SYTL5: variants seen among roughly 807,000 people sequenced by gnomAD.
The protein encoded by SYTL5 is synaptotagmin like 5, also known as synaptotagmin-like protein 5.
Under a neutral mutation model 55.9 loss-of-function variants are expected in SYTL5, and 34 were observed. The ratio of observed to expected loss-of-function variants is 0.61; its 90% CI spans 0.46 to 0.81. The LOEUF is 0.81. Among genes scored for constraint, SYTL5 ranks in the 30% least tolerant of loss-of-function variants. The pLI is 0.00. For missense variants in SYTL5, 637 were observed against 546.7 expected (o/e 1.17, Z -1.65); for synonymous variants, 221 against 188.7 (o/e 1.17, Z -1.40).
the SYTL5 span, among the ~76,000 whole-genome samples, chrX:37,967,107 A>T: frequency 1.8e-5 from 2 of 111,631 alleles, no homozygotes; most frequent in African/African-American, 6.5e-5. Context: ...GCTGGAGTGC[A>T]GTGGTGCGAA....
At chrX:37,936,304 G>C in the SYTL5 span, among the ~76,000 whole-genome samples, 1 of 111,951 alleles carries the variant, frequency 8.9e-6, no homozygotes, top group African/African-American at 3.2e-5. Context: ...ACATGCACTA[G>C]AAAAATTACA....
chrX:37,916,874 C>T, the SYTL5 span, among the ~76,000 whole-genome samples: 11 of 111,377 alleles, frequency 9.9e-5, no homozygotes, highest in African/African-American at 2.3e-4. Context: ...TTCAGATTTT[C>T]GGAATTTTTA....
chrX:38,075,005 A>G lies in SYTL5; in HGVS notation c.554+1307A>G, dbSNP rs754307956. ...TCTTTGCTTCTGTGTTGCAGTATCT[A>G]GCATGGCACCTGACTCATCAAAAAC... On this transcript the variant is annotated intron_variant, in intron 5 of 16. Transcript: ENST00000297875. 7.1e-4 allele frequency among the ~76,000 whole-genome samples: 79 copies of G among 111,021 alleles called. No individual in the cohort carries two copies. The Admixed American group carries it at 7.1e-3, about 10-fold the overall frequency.
chrX:38,000,790 G>A, the SYTL5 span, among the ~76,000 whole-genome samples: 1 of 111,760 alleles, frequency 8.9e-6, no homozygotes, highest in Non-Finnish European at 1.9e-5. Flanking sequence ...GAAGCCAGAA[G>A]GGAGATGGAG....
chrX:38,055,246 T>C (rs746371313), intron 3 of SYTL5, among the ~76,000 whole-genome samples: 17 of 112,124 alleles, frequency 1.5e-4, no homozygotes, highest in African/African-American at 5.5e-4. Context: ...AAATTCTTTC[T>C]CATTCCTTGA....
chrX:38,088,258 C>A (rs1569182283), intron 6 of SYTL5, among the ~76,000 whole-genome samples: 2 of 111,917 alleles, frequency 1.8e-5, no homozygotes, highest in East Asian at 2.8e-4. Flanking sequence ...TTTAAACATT[C>A]TTTTAAAAAA....
At chrX:37,916,004 A>G in the SYTL5 span, among the ~76,000 whole-genome samples, 1,077 of 111,358 alleles carry the variant, frequency 9.7e-3, 12 homozygotes, top group African/African-American at 0.034. Flanking sequence ...TTTTTTAAAT[A>G]ATAATAATAG....
intron 11 of SYTL5, among the ~76,000 whole-genome samples, chrX:38,107,481 A>G (rs776773944): frequency 2.1e-4 from 24 of 111,843 alleles, no homozygotes; most frequent in African/African-American, 6.8e-4. Context: ...TCAGCTGGTC[A>G]CATACCAAAT....
At chrX:37,903,730 A>G in the SYTL5 span, among the ~76,000 whole-genome samples, 2 of 111,734 alleles carry the variant, frequency 1.8e-5, no homozygotes, top group Admixed American at 9.4e-5. Flanking sequence ...TAAAATTCAA[A>G]GTAAATTACT....
At chrX:37,966,938 G>T in the SYTL5 span, among the ~76,000 whole-genome samples, 2 of 111,405 alleles carry the variant, frequency 1.8e-5, no homozygotes, top group African/African-American at 6.5e-5. Flanking sequence ...TGCATTTTTT[G>T]TAAGGCATGT....
the SYTL5 span, among the ~76,000 whole-genome samples, chrX:37,905,750 G>A: frequency 1.8e-5 from 2 of 112,037 alleles, no homozygotes; most frequent in Non-Finnish European, 3.8e-5. Flanking sequence ...CCGGGGTCAT[G>A]GGGTCCTGGG....
the SYTL5 span, among the ~76,000 whole-genome samples, chrX:37,907,166 T>C: frequency 1.7e-3 from 189 of 111,867 alleles, 1 homozygote; most frequent in African/African-American, 5.9e-3. Flanking sequence ...GTGGTCTTAA[T>C]TCACAACACA....
At chrX:38,043,860 A>C (rs1466235138) in intron 2 of SYTL5, among the ~76,000 whole-genome samples, 1 of 108,198 alleles carries the variant, frequency 9.2e-6, no homozygotes, top group Non-Finnish European at 1.9e-5. Context: ...AAGATTTCAT[A>C]ACATAAGATT....
the SYTL5 span, among the ~76,000 whole-genome samples, chrX:37,927,558 A>C: frequency 9.1e-6 from 1 of 110,148 alleles, no homozygotes; most frequent in Non-Finnish European, 1.9e-5. Flanking sequence ...GGCGGATCAC[A>C]AGGTCAGGAG....
chrX:38,096,093 C>T (rs749587269), intron 8 of SYTL5, 41 bp from the exon 9 acceptor site: 2 of 754,117 alleles, frequency 2.7e-6, no homozygotes, highest in South Asian at 5.3e-5. Context: ...TCTCACAAAA[C>T]AGGCTGACTC....
the SYTL5 span, among the ~76,000 whole-genome samples, chrX:37,905,310 G>A: frequency 9.1e-6 from 1 of 110,269 alleles, no homozygotes; most frequent in Non-Finnish European, 1.9e-5. Context: ...TGAGATGGGA[G>A]TAACTTGTGC....
At chrX:37,976,631 C>G in the SYTL5 span, among the ~76,000 whole-genome samples, 1 of 110,981 alleles carries the variant, frequency 9.0e-6, no homozygotes, top group East Asian at 2.8e-4. Flanking sequence ...ATTAGCCATG[C>G]AACAATTTCT....
chrX:38,100,445 C>T (rs763363691), intron 9 of SYTL5, among the ~76,000 whole-genome samples: 19 of 111,228 alleles, frequency 1.7e-4, no homozygotes, highest in African/African-American at 4.6e-4. Context: ...CTATGGATGA[C>T]GTTAAGTGAC....
At chrX:38,029,234 A>T (rs1461528770) in intron 1 of SYTL5, among the ~76,000 whole-genome samples, 1 of 112,174 alleles carries the variant, frequency 8.9e-6, no homozygotes, top group African/African-American at 3.2e-5. Flanking sequence ...AGTTTGTCAC[A>T]AGACTTTCCC....
Sources: gnomAD v4.1 joint callset for allele counts (sites outside exome capture counted in the v4.1 genomes callset) on GRCh38, gnomAD v4.1.1 for gene constraint, MANE v1.5 for transcripts, NCBI Gene and HGNC (gene_info 2026-07-23, HGNC 2026-07-21) for gene names.